The following CCDC9 variants were observed in gnomAD, a reference collection of about 807,000 sequenced individuals.
The protein encoded by CCDC9 is coiled-coil domain-containing protein 9.
In CCDC9, 52 loss-of-function variants were observed where a neutral mutation model predicts 65.6. The observed-to-expected ratio is 0.79, with a 90% CI of 0.63 to 1.00. CCDC9 has a LOEUF of 1.00. Among genes scored for constraint, CCDC9 ranks in the 50% least tolerant of loss-of-function variants. The pLI, the probability that CCDC9 is intolerant of heterozygous loss-of-function variation, is 0.00. For missense variants in CCDC9, 834 were observed against 757.2 expected (o/e 1.10, Z -1.19); for synonymous variants, 332 against 280.3 (o/e 1.18, Z -1.84).
rs1320822930 is a variant in CCDC9, at chr19:47,271,865, A to C, written c.*187A>C. The C allele has an allele frequency of 7.3e-7, 1 of 1,373,780 alleles. No homozygotes were observed. The highest frequency in any genetic ancestry group is 1.5e-5 in the African/African-American group (1 of 68,712). 85.1% of individuals were successfully genotyped at this position (1,373,780 alleles called of 1,614,324 possible). On this transcript the variant is annotated 3_prime_UTR_variant, in exon 12 of 12. Transcript: ENST00000221922. Reference sequence around the variant, plus strand: ...GGTAGCGCAGCCCATGCTCTTCTGTACTGTCATGCCCGTCTCTGGAATGTC... The same window carrying C: ...GGTAGCGCAGCCCATGCTCTTCTGTCCTGTCATGCCCGTCTCTGGAATGTC...
At chr19:47,272,159 C>G, downstream of CCDC9, 1 of 1,234,910 alleles carries the variant, frequency 8.1e-7, no homozygotes, top group Non-Finnish European at 1.0e-6. Flanking sequence ...GAGGCAACTC[C>G]AGGTGGGGGA....
Position 47,264,843 on chromosome 19 carries a change from A to C in CCDC9, c.617A>C (p.Glu206Ala). The change falls in exon 7 of 12, where the codon GAG (glutamate) becomes GCG (alanine). Residue 206 changes from glutamate (E) to alanine (A), a missense_variant. Transcript: ENST00000221922. The part of the protein sequence containing the change: ...DDPRRRSGPL[E>A]ESERDRREES... ...CCCCGGCGACGCAGCGGGCCCCTGG[A>C]GGAGTCTGAGCGGGACCGCCGGGAG... The C allele has an allele frequency of 6.5e-7, 1 of 1,544,086 alleles. No homozygotes were observed. The highest frequency in any genetic ancestry group is 8.7e-7 in the Non-Finnish European group (1 of 1,144,928).
At chr19:47,259,889 G>A (rs923428637) in intron 3 of CCDC9, among the ~76,000 whole-genome samples, 2 of 152,182 alleles carry the variant, frequency 1.3e-5, no homozygotes, top group Admixed American at 6.6e-5. Context: ...AAGGCCTCAC[G>A]AGAAGGCAGC....
downstream of CCDC9, among the ~76,000 whole-genome samples, chr19:47,272,519 T>G (rs555645834): frequency 2.6e-5 from 4 of 151,970 alleles, no homozygotes; most frequent in Non-Finnish European, 5.9e-5. Context: ...TCCCAGCTAA[T>G]TGGGAGGCGG....
rs1464238080 is a variant in CCDC9, at chr19:47,266,804, C to T, written c.902+12C>T. 6.3e-7 allele frequency: 1 copy of T among 1,597,266 alleles called. No individual in the cohort carries two copies. Among genetic ancestry groups the T allele is most frequent in the South Asian group, 1.1e-5 (1 of 88,082 alleles). ...AAGACCGATGGGATGTGAGTCTCCTCCCCGCTCCTCTCCCCATGTGGCACG... is the reference window on the plus strand; with the variant it reads ...AAGACCGATGGGATGTGAGTCTCCTTCCCGCTCCTCTCCCCATGTGGCACG... On this transcript the variant is annotated intron_variant, in intron 8 of 11. Coordinates refer to ENST00000221922, the MANE Select transcript of CCDC9 (RefSeq NM_015603.3).
intron 9 of CCDC9, 42 bp from the exon 10 acceptor site, chr19:47,270,511 G>C: frequency 6.2e-7 from 1 of 1,613,998 alleles, no homozygotes; most frequent in Non-Finnish European, 8.5e-7. Flanking sequence ...GGTGGTGTGT[G>C]CCACACCTTC....
At chr19:47,273,445 G>A (rs1402006703), downstream of CCDC9, 13 of 1,194,268 alleles carry the variant, frequency 1.1e-5, no homozygotes, top group Non-Finnish European at 1.3e-5. Flanking sequence ...CTCCGCTGCC[G>A]GGGGCCGCTC....
Position 47,258,419 on chromosome 19 carries a change from G to T in CCDC9, c.3+16G>T, listed in dbSNP as rs1253783847. The T allele has an allele frequency of 1.2e-6, 2 of 1,613,862 alleles. No individual in the cohort carries two copies. The highest frequency in any genetic ancestry group is 1.3e-5 in the African/African-American group (1 of 74,888). On this transcript the variant is annotated intron_variant, in intron 2 of 11. Transcript: ENST00000221922. ...CAGCGAAATGGTGAGGCTGAAAAAT[G>T]GGGTCTCTAGAATCTGAGTTTTGGG... is the stretch of plus-strand genomic sequence containing the variant.
intron 8 of CCDC9, among the ~76,000 whole-genome samples, chr19:47,270,148 T>C (rs571647620): frequency 6.6e-6 from 1 of 152,188 alleles, no homozygotes; most frequent in African/African-American, 2.4e-5. Flanking sequence ...TTTGTATTTT[T>C]TGTAGAGGTG....
In CCDC9 at chr19:47,257,113, A is replaced by T. The variant is rs188526674; in HGVS notation, c.-72+504A>T. 3.2e-3 allele frequency among the ~76,000 whole-genome samples: 474 copies of T among 148,668 alleles called. 7 individuals are homozygous for T. The highest frequency in any genetic ancestry group is 0.019 in the Admixed American group (291 of 14,994). On this transcript the variant is annotated intron_variant, in intron 1 of 11. Coordinates refer to ENST00000221922, the MANE Select transcript of CCDC9 (RefSeq NM_015603.3). ...GGAGCCAGAAAGTTTCGTCTGAGCC[A>T]CGGGCGCGGCCAGAGCGTTGGCCGG... is the stretch of plus-strand genomic sequence containing the variant.
chr19:47,273,467 C>T (rs1374459744), downstream of CCDC9: 2 of 1,046,234 alleles, frequency 1.9e-6, no homozygotes, highest in Non-Finnish European at 2.4e-6. Flanking sequence ...CTGACCGCGC[C>T]CGCCGGACCG....
In CCDC9 at chr19:47,266,542, G is replaced by A. The variant is rs1014583509; in HGVS notation, c.721-69G>A. On this transcript the variant is annotated intron_variant, in intron 7 of 11. Transcript: ENST00000221922. ...CCTGTGTGATCCTGAGCAAGTGGATGTGCCTCGGGGCTTAGGGGCGGGGTA... is the reference window on the plus strand; with the variant it reads ...CCTGTGTGATCCTGAGCAAGTGGATATGCCTCGGGGCTTAGGGGCGGGGTA... The A allele has an allele frequency of 3.5e-6, 5 of 1,442,746 alleles. No homozygotes were observed. In the Admixed American group the frequency reaches 1.1e-4, roughly 32 times the overall value. 89.4% of individuals were successfully genotyped at this position (1,442,746 alleles called of 1,614,324 possible).
At chr19:47,264,255 A>G (rs1044051226) in intron 5 of CCDC9, among the ~76,000 whole-genome samples, 18 of 152,294 alleles carry the variant, frequency 1.2e-4, no homozygotes, top group Admixed American at 2.0e-4. Flanking sequence ...GGCTGAAGCA[A>G]TCCTCCTGCC....
chr19:47,270,706 C>T lies in CCDC9; in HGVS notation c.1085+18C>T, dbSNP rs757904822. 1.2e-5 allele frequency: 20 copies of T among 1,603,706 alleles called. No homozygotes were observed. The highest frequency in any genetic ancestry group is 4.5e-4 in the Middle Eastern group (2 of 4,448). ...GCCTACAGGTGGGGCACCCCTTCTG[C>T]GGGCTTGCATACCCCCAGGGCTCTC... is the stretch of plus-strand genomic sequence containing the variant. On this transcript the variant is annotated intron_variant, in intron 10 of 11. Transcript: ENST00000221922.
At chr19:47,269,883 T>G (rs1430496228) in intron 8 of CCDC9, among the ~76,000 whole-genome samples, 8 of 152,114 alleles carry the variant, frequency 5.3e-5, no homozygotes, top group African/African-American at 7.2e-5. Context: ...TCCCCCCAAA[T>G]TTTTGTTTTG....
chr19:47,275,030 C>T (rs577827986), downstream of CCDC9: 195 of 1,489,274 alleles, frequency 1.3e-4, no homozygotes, highest in African/African-American at 2.0e-4. Context: ...GCGCCTACTT[C>T]CTCTGCGTCT....
chr19:47,268,378 A>G lies in CCDC9; in HGVS notation c.902+1586A>G, dbSNP rs149476473. On this transcript the variant is annotated intron_variant, in intron 8 of 11. Transcript: ENST00000221922. ...CTGTGTTGAAAGTTTTCATTCACCT[A>G]TAACTTGTTTTTTGGCTTTGGCTAA... 2.2e-3 allele frequency among the ~76,000 whole-genome samples: 341 copies of G among 152,216 alleles called. 1 individual carries two copies. The highest frequency in any genetic ancestry group is 7.7e-3 in the African/African-American group (319 of 41,522).
rs757919555 is a variant in CCDC9, at chr19:47,264,799, G to A, written c.573G>A (p.Val191=). 6.3e-7 allele frequency: 1 copy of A among 1,589,914 alleles called. No homozygotes were observed. Among genetic ancestry groups the A allele is most frequent in the Non-Finnish European group, 8.6e-7 (1 of 1,165,858 alleles). The change falls in exon 7 of 12, where the codon GTG becomes GTA. Residue 191 remains valine, a synonymous_variant. Transcript: ENST00000221922. ...AAGGGGTTCTTGAACCCAACCCAGT[G>A]CGGAACTTCCTGGACGACCCCCGGC... The part of the protein sequence containing the change: ...QREGVLEPNP[V]RNFLDDPRRR...
At chr19:47,274,935 T>G, downstream of CCDC9, 1 of 1,324,840 alleles carries the variant, frequency 7.5e-7, no homozygotes, top group Non-Finnish European at 9.5e-7. Context: ...GGGGACCAGC[T>G]GCGTGGGCGG....
Sources: allele counts gnomAD v4.1 joint callset (sites outside exome capture counted in the v4.1 genomes callset), GRCh38; gene constraint gnomAD v4.1.1; transcripts MANE v1.5; gene names NCBI Gene and HGNC (gene_info 2026-07-23, HGNC 2026-07-21).